KIAA0930: variants seen among roughly 807,000 people sequenced by gnomAD.
KIAA0930 encodes the protein uncharacterized protein KIAA0930.
A neutral mutation model predicts 43.9 loss-of-function variants in KIAA0930; 24 were observed. The ratio of observed to expected loss-of-function variants is 0.55; its 90% CI spans 0.40 to 0.77. The LOEUF (loss-of-function observed/expected upper bound fraction) is 0.77. Ranked by LOEUF, KIAA0930 falls within the 30% of genes least tolerant of loss-of-function variation. The probability of loss-of-function intolerance (pLI) is 0.00; values close to 1 mark genes in which losing one functional copy is unlikely to be tolerated. For missense variants in KIAA0930, 461 were observed against 574.2 expected, an observed-to-expected ratio of 0.80 and a Z score of 2.02; for synonymous variants, 259 against 216.4, an observed-to-expected ratio of 1.20 and a Z score of -1.73.
chr22:45,218,130 G>A (rs757764831), intron 1 of KIAA0930, among the ~76,000 whole-genome samples: 8 of 152,032 alleles, frequency 5.3e-5, no homozygotes, highest in Non-Finnish European at 7.4e-5. Context: ...GACAGCTCGC[G>A]CGTGCCCTGC....
intron 1 of KIAA0930, among the ~76,000 whole-genome samples, chr22:45,229,126 C>G (rs371421031): frequency 1.0e-4 from 7 of 68,558 alleles, no homozygotes; most frequent in East Asian, 5.0e-4. Flanking sequence ...TCTCCACCCC[C>G]CAACCACCAA....
intron 1 of KIAA0930, 83 bp downstream of exon 1, chr22:45,240,557 G>T: frequency 1.0e-6 from 1 of 962,700 alleles, no homozygotes; most frequent in Non-Finnish European, 1.6e-6. Flanking sequence ...GATGCGCGGG[G>T]CGCACAGAAA....
In KIAA0930 at chr22:45,213,257, GGCCCTCAGCCCTCA is replaced by G. The variant is rs371009514; in HGVS notation, c.65-1164_65-1151del. ...GGACTCACAGCCAGCCCCAGCCCTC[GGCCCTCAGCCCTCA>G]GCCCTCTGCCCTCTGCCCTCAGCCC... is the stretch of plus-strand genomic sequence containing the variant. On this transcript the variant is annotated intron_variant, in intron 1 of 9. Transcript: ENST00000336156. 1.6e-3 allele frequency: 1,991 copies of G among 1,238,036 alleles called. 38 individuals carry two copies. In the East Asian group the frequency reaches 0.063, roughly 39 times the overall value. The allele number at this position is 1,238,036 out of a possible 1,614,324, so 76.7% of individuals were successfully genotyped here.
At chr22:45,229,414 C>A (rs1237763086) in intron 1 of KIAA0930, among the ~76,000 whole-genome samples, 2 of 121,008 alleles carry the variant, frequency 1.7e-5, no homozygotes, top group African/African-American at 7.4e-5. Context: ...GGGGCCTGCG[C>A]CCAGGCATCC....
At chr22:45,233,617 G>C (rs549884304) in intron 1 of KIAA0930, among the ~76,000 whole-genome samples, 2 of 152,198 alleles carry the variant, frequency 1.3e-5, no homozygotes, top group Non-Finnish European at 2.9e-5. Context: ...CCTTCACTAG[G>C]CTGACTCACC....
At chr22:45,214,112 G>C (rs182216596) in intron 1 of KIAA0930, among the ~76,000 whole-genome samples, 43 of 152,330 alleles carry the variant, frequency 2.8e-4, no homozygotes, top group Non-Finnish European at 5.0e-4. Context: ...GGGAGGCAGA[G>C]GTTGCAGTGA....
At chr22:45,234,388 C>G (rs1044112760) in intron 1 of KIAA0930, among the ~76,000 whole-genome samples, 1 of 152,244 alleles carries the variant, frequency 6.6e-6, no homozygotes, top group African/African-American at 2.4e-5. Context: ...GGATCACAGA[C>G]TGGCAAGGCA....
Position 45,213,487 on chromosome 22 carries a change from C to T in KIAA0930, c.65-1380G>A, listed in dbSNP as rs879104137. On this transcript the variant is annotated intron_variant, in intron 1 of 9. Coordinates refer to ENST00000336156, the MANE Select transcript of KIAA0930 (RefSeq NM_001009880.2). ...CAAGACCTCCCAGGCTCACAGGACC[C>T]GGGGGAACGAAACACGCGTGCTGTC... 45 of 1,198,074 alleles carry T rather than the reference C, an allele frequency of 3.8e-5. No homozygotes were observed. In the South Asian group the frequency reaches 3.9e-4, roughly 11 times the overall value. 74.2% of individuals were successfully genotyped at this position (1,198,074 alleles called of 1,614,324 possible).
At chr22:45,207,202 G>A (rs1019124700) in intron 2 of KIAA0930, among the ~76,000 whole-genome samples, 1 of 147,422 alleles carries the variant, frequency 6.8e-6, no homozygotes, top group Non-Finnish European at 1.5e-5. Context: ...ATAGAGAGGG[G>A]GTTTCACCAT....
chr22:45,197,018 T>C lies in KIAA0930; in HGVS notation c.*158A>G. ...GCACTTCAGTTTGGGCTGGTGTTCGTGGAGTCGGCCCCGGCCCCGGGAGTC... is the reference window on the plus strand; with the variant it reads ...GCACTTCAGTTTGGGCTGGTGTTCGCGGAGTCGGCCCCGGCCCCGGGAGTC... On this transcript the variant is annotated 3_prime_UTR_variant, in exon 10 of 10. Coordinates refer to ENST00000336156, the MANE Select transcript of KIAA0930 (RefSeq NM_001009880.2). 1.7e-6 allele frequency: 1 copy of C among 598,718 alleles called. No homozygotes were observed. The highest frequency in any genetic ancestry group is 3.2e-5 in the East Asian group (1 of 31,000). The allele number at this position is 598,718 out of a possible 1,614,324, so 37.1% of individuals were successfully genotyped here.
chr22:45,192,314 A>G lies in KIAA0930; in HGVS notation c.*4862T>C, dbSNP rs959517646. 1.3e-5 allele frequency: 2 copies of G among 152,236 alleles called. No homozygotes were observed. Among genetic ancestry groups the G allele is most frequent in the Non-Finnish European group, 2.9e-5 (2 of 68,054 alleles). The allele number at this position is 152,236 out of a possible 1,614,324, so 9.4% of individuals were successfully genotyped here. A position where few individuals can be genotyped will look rare whatever the true frequency, so the allele number is the denominator to read the frequency against. Reference sequence around the variant, plus strand: ...AAAGAAACATGAAATCATAAAGCAAAGCTAACAGCCAACCAACAAATACCG... The same window carrying G: ...AAAGAAACATGAAATCATAAAGCAAGGCTAACAGCCAACCAACAAATACCG... On this transcript the variant is annotated 3_prime_UTR_variant, in exon 10 of 10. Transcript: ENST00000336156.
intron 2 of KIAA0930, among the ~76,000 whole-genome samples, chr22:45,208,492 C>CAGGCAGAACCACCGACTCCACACACAG (rs2083660907): frequency 1.0e-5 from 1 of 95,550 alleles, no homozygotes; most frequent in East Asian, 3.2e-4. Context: ...TCCACACGCA[C>CAGGCAGAACCACCGACTCCACACACAG]GAGCTGTAAG....
At chr22:45,218,333 ATTTTTTTT>A (rs752298111) in intron 1 of KIAA0930, among the ~76,000 whole-genome samples, 6 of 51,702 alleles carry the variant, frequency 1.2e-4, no homozygotes, top group East Asian at 7.0e-4. Context: ...AATTTTTTTG[ATTTTTTTT>A]TTTTTTTTTT....
At chr22:45,201,863 C>G (rs987597067) in intron 7 of KIAA0930, among the ~76,000 whole-genome samples, 1 of 152,232 alleles carries the variant, frequency 6.6e-6, no homozygotes, top group Non-Finnish European at 1.5e-5. Flanking sequence ...TCCCTCATCT[C>G]AGGCATGCCT....
At chr22:45,220,608 G>A (rs765131862) in intron 1 of KIAA0930, among the ~76,000 whole-genome samples, 1 of 152,200 alleles carries the variant, frequency 6.6e-6, no homozygotes, top group African/African-American at 2.4e-5. Flanking sequence ...TTGGGACAGG[G>A]TCTATCTATG....
chr22:45,214,229 C>A (rs185950550), intron 1 of KIAA0930, among the ~76,000 whole-genome samples: 1 of 152,238 alleles, frequency 6.6e-6, no homozygotes, highest in East Asian at 1.9e-4. Context: ...CAGATTCTCA[C>A]AGAGTTATAC....
chr22:45,217,634 G>A (rs915992739), intron 1 of KIAA0930, among the ~76,000 whole-genome samples: 2 of 152,138 alleles, frequency 1.3e-5, no homozygotes, highest in African/African-American at 2.4e-5. Flanking sequence ...AGTGTGAGAC[G>A]GAGCATCGCC....
At chr22:45,235,349 G>A (rs994060277) in intron 1 of KIAA0930, 6 of 152,240 alleles carry the variant, frequency 3.9e-5, no homozygotes, top group African/African-American at 9.7e-5. Context: ...GGTTCCGTCC[G>A]GAAGGACACA....
chr22:45,211,745 T>C (rs2083695524), intron 2 of KIAA0930, among the ~76,000 whole-genome samples: 1 of 152,170 alleles, frequency 6.6e-6, no homozygotes, highest in Non-Finnish European at 1.5e-5. Flanking sequence ...ACAGTGAAGA[T>C]GAATGACAAT....
Sources: allele counts gnomAD v4.1 joint callset (sites outside exome capture counted in the v4.1 genomes callset), GRCh38; gene constraint gnomAD v4.1.1; transcripts MANE v1.5; gene names NCBI Gene and HGNC (gene_info 2026-07-23, HGNC 2026-07-21).